The following SEM1 variants were observed in gnomAD, a reference collection of about 807,000 sequenced individuals.
The protein encoded by SEM1 is 26S proteasome complex subunit SEM1.
SEM1 carries 3 observed loss-of-function variants against 12.7 expected under a neutral mutation model. That is an observed-to-expected ratio of 0.24 (90% CI 0.11 to 0.61). SEM1 has a LOEUF of 0.61. SEM1 is among the 20% of genes least tolerant of loss of function. The pLI, the probability that SEM1 is intolerant of heterozygous loss-of-function variation, is 0.88. For synonymous variants in SEM1, 30 were observed against 27.8 expected (o/e 1.08, Z -0.25); for missense variants, 59 against 81.3 (o/e 0.73, Z 1.06).
intron 1 of SEM1, among the ~76,000 whole-genome samples, chr7:96,704,376 A>T (rs1005016295): frequency 1.2e-4 from 18 of 152,186 alleles, no homozygotes; most frequent in Non-Finnish European, 7.3e-5. Flanking sequence ...TTAAATTTTT[A>T]CCATAAGCGG....
intron 2 of SEM1, among the ~76,000 whole-genome samples, chr7:96,592,334 AG>A (rs1467857513): frequency 1.3e-5 from 2 of 152,016 alleles, no homozygotes; most frequent in Non-Finnish European, 2.9e-5. Context: ...ACCCTGTTAG[AG>A]GCACTTGCCC....
At chr7:96,561,123 A>G (rs1238993517) in intron 2 of SEM1, among the ~76,000 whole-genome samples, 1 of 152,088 alleles carries the variant, frequency 6.6e-6, no homozygotes, top group Non-Finnish European at 1.5e-5. Flanking sequence ...TATTAAACTT[A>G]CTGCAAACCC....
chr7:96,692,474 A>T (rs1412586768), intron 2 of SEM1, among the ~76,000 whole-genome samples: 1 of 152,202 alleles, frequency 6.6e-6, no homozygotes, highest in Non-Finnish European at 1.5e-5. Context: ...TAGCATAATG[A>T]TGCCAAGGCG....
chr7:96,525,387 C>T (rs745755897), intron 2 of SEM1, among the ~76,000 whole-genome samples: 10 of 151,990 alleles, frequency 6.6e-5, no homozygotes, highest in African/African-American at 1.7e-4. Context: ...GAGGCATTTG[C>T]GAGTGCACGT....
At chr7:96,555,973 C>T (rs13245953) in intron 2 of SEM1, among the ~76,000 whole-genome samples, 75,809 of 127,416 alleles carry the variant, frequency 0.59, 22,985 homozygotes, top group East Asian at 0.68. Context: ...TTGATCTTTG[C>T]TGGTTTAAAG....
downstream of SEM1, chr7:96,673,168 T>G (rs1279897686): frequency 6.6e-6 from 1 of 152,172 alleles, no homozygotes; most frequent in African/African-American, 2.4e-5. Flanking sequence ...CAGGCTGGGA[T>G]GCAGTGGTGC....
intron 2 of SEM1, among the ~76,000 whole-genome samples, chr7:96,536,889 T>C (rs940528856): frequency 6.6e-6 from 1 of 151,800 alleles, no homozygotes; most frequent in Admixed American, 6.6e-5. Context: ...TTTTACTAAG[T>C]GTATTTAAAC....
chr7:96,497,940 A>T (rs1803356824), upstream of SEM1, among the ~76,000 whole-genome samples: 1 of 152,218 alleles, frequency 6.6e-6, no homozygotes, highest in Non-Finnish European at 1.5e-5. Context: ...GAAGAGAGAA[A>T]TAGAAAATAT....
intron 2 of SEM1, among the ~76,000 whole-genome samples, chr7:96,604,488 C>T (rs1394558624): frequency 1.3e-5 from 2 of 152,106 alleles, no homozygotes; most frequent in East Asian, 1.9e-4. Context: ...TTTGTAGCCA[C>T]ACCTTCATGT....
intron 2 of SEM1, among the ~76,000 whole-genome samples, chr7:96,542,668 T>C (rs553690089): frequency 6.6e-6 from 1 of 152,056 alleles, no homozygotes; most frequent in African/African-American, 2.4e-5. Context: ...ATTTTTATCT[T>C]TGAAATTGGC....
chr7:96,666,930 T>C (rs185376375), intron 2 of SEM1, among the ~76,000 whole-genome samples: 2 of 152,264 alleles, frequency 1.3e-5, no homozygotes, highest in East Asian at 3.9e-4. Flanking sequence ...CCTCTCCTCT[T>C]TGGGCCAACT....
chr7:96,523,690 C>T (rs939573277), intron 2 of SEM1, among the ~76,000 whole-genome samples: 1 of 152,220 alleles, frequency 6.6e-6, no homozygotes, highest in Non-Finnish European at 1.5e-5. Flanking sequence ...TTCTCCCTAT[C>T]TTTTCTACCA....
chr7:96,497,008 TAC>T (rs933659887), upstream of SEM1, among the ~76,000 whole-genome samples: 59 of 119,474 alleles, frequency 4.9e-4, no homozygotes, highest in Admixed American at 7.3e-4. Flanking sequence ...CGAGCACGTA[TAC>T]ACACACACAC....
intron 2 of SEM1, among the ~76,000 whole-genome samples, chr7:96,639,691 A>G (rs1808530292): frequency 6.6e-6 from 1 of 151,968 alleles, no homozygotes; most frequent in African/African-American, 2.4e-5. Context: ...ATGCAGCACC[A>G]AAGGCATGAT....
chr7:96,680,477 G>T lies in SEM1; in HGVS notation c.171-6618C>A, dbSNP rs1313219300. Among the ~76,000 whole-genome samples the T allele has an allele frequency of 2.0e-5, 3 of 152,158 alleles. No individual in the cohort carries two copies. The East Asian group carries it at 5.8e-4, about 29-fold the overall frequency. On this transcript the variant is annotated intron_variant, in intron 2 of 2. Transcript: ENST00000413065. Reference sequence around the variant, plus strand: ...AATGTTACATTGTAAACAGGGGTGTGCCGGCCCAGGCAAAGATGATAATCT... The same window carrying T: ...AATGTTACATTGTAAACAGGGGTGTTCCGGCCCAGGCAAAGATGATAATCT...
At chr7:96,671,369 G>C (rs1789311372), downstream of SEM1, among the ~76,000 whole-genome samples, 1 of 151,994 alleles carries the variant, frequency 6.6e-6, no homozygotes, top group Non-Finnish European at 1.5e-5. Context: ...TTGAAAACCA[G>C]CTTTTACCCA....
At chr7:96,532,889 A>C (rs1804681125) in intron 2 of SEM1, among the ~76,000 whole-genome samples, 1 of 152,086 alleles carries the variant, frequency 6.6e-6, no homozygotes, top group Non-Finnish European at 1.5e-5. Flanking sequence ...GGAGGATCAA[A>C]GCTGGCTGGA....
intron 2 of SEM1, among the ~76,000 whole-genome samples, chr7:96,613,937 C>A (rs1807624306): frequency 6.6e-6 from 1 of 152,158 alleles, no homozygotes; most frequent in Non-Finnish European, 1.5e-5. Context: ...TTTAAAAATC[C>A]ATTTGTCCAT....
intron 1 of SEM1, among the ~76,000 whole-genome samples, chr7:96,489,788 T>C (rs1802929367): frequency 6.6e-6 from 1 of 152,210 alleles, no homozygotes; most frequent in African/African-American, 2.4e-5. Context: ...CACTCTAGTC[T>C]CTGCCTCCGC....
Sources: gnomAD v4.1 joint callset for allele counts (sites outside exome capture counted in the v4.1 genomes callset) on GRCh38, gnomAD v4.1.1 for gene constraint, MANE v1.5 for transcripts, NCBI Gene and HGNC (gene_info 2026-07-23, HGNC 2026-07-21) for gene names.